The following IGSF5 variants were observed in gnomAD, a reference collection of about 807,000 sequenced individuals.
IGSF5 encodes the protein immunoglobulin superfamily member 5, also known as immunoglobulin superfamily 5 like.
Under a neutral mutation model 39.4 loss-of-function variants are expected in IGSF5, and 41 were observed. That is an observed-to-expected ratio of 1.04 (90% confidence interval 0.81 to 1.35). The LOEUF (loss-of-function observed/expected upper bound fraction) is 1.35, where lower values mean the gene tolerates loss of function less well. IGSF5 is among the 40% of genes most tolerant of loss of function. IGSF5 has a pLI of 0.00. For synonymous variants in IGSF5, 183 were observed against 175.3 expected, an observed-to-expected ratio of 1.04 and a Z score of -0.34; for missense variants, 487 against 494.6, an observed-to-expected ratio of 0.98 and a Z score of 0.15.
At chr21:39,774,929 A>G (rs774771413) in intron 4 of IGSF5, among the ~76,000 whole-genome samples, 1 of 152,148 alleles carries the variant, frequency 6.6e-6, no homozygotes, top group Non-Finnish European at 1.5e-5. Context: ...CAGTTTTCTC[A>G]CCTGTAAAGT....
In IGSF5 at chr21:39,779,302, A is replaced by C. The variant is rs1161401574; in HGVS notation, c.931A>C (p.Arg311=). 2 of 1,611,718 alleles carry C rather than the reference A, an allele frequency of 1.2e-6. No homozygotes were observed. The highest frequency in any genetic ancestry group is 8.5e-7 in the Non-Finnish European group (1 of 1,178,434). The part of the protein sequence containing the change: ...CRCCFCCRRK[R]GFRIQFQKKS... The stretch of plus-strand genomic sequence containing the variant: ...TTGTTGTTTCTGCTGTAGAAGAAAA[A>C]GAGGTAATTTTTTTGTTCATTTACA... Residue 311 remains arginine (R), a synonymous_variant, in exon 5 of 9, where the codon AGA becomes CGA. Coordinates refer to ENST00000380588, the MANE Select transcript of IGSF5 (RefSeq NM_001080444.2).
At chr21:39,724,711 A>T in the IGSF5 span, among the ~76,000 whole-genome samples, 1 of 152,206 alleles carries the variant, frequency 6.6e-6, no homozygotes, top group African/African-American at 2.4e-5. Flanking sequence ...ATGAACATGG[A>T]CTAATACACT....
At chr21:39,720,360 G>A in the IGSF5 span, among the ~76,000 whole-genome samples, 1 of 152,302 alleles carries the variant, frequency 6.6e-6, no homozygotes, top group East Asian at 1.9e-4. Flanking sequence ...CTCACCTCCT[G>A]CTGTGAAGAG....
chr21:39,777,269 GT>G (rs1344339431), intron 4 of IGSF5, among the ~76,000 whole-genome samples: 1 of 152,154 alleles, frequency 6.6e-6, no homozygotes, highest in Non-Finnish European at 1.5e-5. Flanking sequence ...CTGTCATGTC[GT>G]GGGTAGCTTG....
intron 2 of IGSF5, among the ~76,000 whole-genome samples, chr21:39,748,246 G>C (rs1433619171): frequency 6.9e-6 from 1 of 144,576 alleles, no homozygotes; most frequent in Non-Finnish European, 1.5e-5. Context: ...CTTCCTTTTT[G>C]CTGTGTCTTC....
At chr21:39,739,642 G>A in the IGSF5 span, among the ~76,000 whole-genome samples, 15 of 152,220 alleles carry the variant, frequency 9.9e-5, no homozygotes, top group African/African-American at 3.1e-4. Context: ...GGAGGTTGGC[G>A]ATGACTGCTC....
chr21:39,727,097 C>CG, the IGSF5 span, among the ~76,000 whole-genome samples: 7 of 152,128 alleles, frequency 4.6e-5, no homozygotes, highest in African/African-American at 1.7e-4. Context: ...TCAGGACACA[C>CG]GGGTCTGGAA....
the IGSF5 span, among the ~76,000 whole-genome samples, chr21:39,716,515 C>T: frequency 0.48 from 73,626 of 151,830 alleles, 18,705 homozygotes; most frequent in African/African-American, 0.63. Context: ...TCCGCTCAAG[C>T]AGACCCCACT....
Position 39,771,113 on chromosome 21 carries a change from AC to A in IGSF5, c.620del (p.Pro207HisfsTer7). ...LQSAVSILALTPQSNGTLTCV... is the reference protein window; with the variant it reads ...LQSAVSILALXPQSNGTLTCV... Reference sequence around the variant, plus strand: ...AAGTGCAGTGAGCATCCTGGCTCTGACCCCACAGAGCAATGGGACTTTGACT... The same window carrying A: ...AAGTGCAGTGAGCATCCTGGCTCTGACCCACAGAGCAATGGGACTTTGACT... On this transcript the variant is annotated frameshift_variant, in exon 4 of 9. Coordinates refer to ENST00000380588, the MANE Select transcript of IGSF5 (RefSeq NM_001080444.2). LOFTEE classifies it high-confidence loss of function. 6.2e-7 allele frequency: 1 copy of A among 1,612,820 alleles called. No individual in the cohort carries two copies. The highest frequency in any genetic ancestry group is 1.1e-5 in the South Asian group (1 of 90,684).
At chr21:39,778,558 G>A (rs73217292) in intron 4 of IGSF5, among the ~76,000 whole-genome samples, 13,145 of 152,202 alleles carry the variant, frequency 0.086, 617 homozygotes, top group South Asian at 0.16. Flanking sequence ...ATTAATTTGA[G>A]GATCGGGGAG....
In IGSF5 at chr21:39,791,843, A is replaced by G. The variant is rs1320248555; in HGVS notation, c.957-165A>G. 1.7e-5 allele frequency: 10 copies of G among 582,680 alleles called. No individual in the cohort carries two copies. In the East Asian group the frequency reaches 2.2e-4, roughly 13 times the overall value. The allele number at this position is 582,680 out of a possible 1,614,324, so 36.1% of individuals were successfully genotyped here. ...GGAATGTGTGAGTAGGCAGGCGTGC[A>G]TACCTGCAACGCAGCGGCAAAGCTA... On this transcript the variant is annotated intron_variant, in intron 6 of 8. Transcript: ENST00000380588.
chr21:39,759,866 CAAA>C (rs1307376560), intron 2 of IGSF5, among the ~76,000 whole-genome samples: 4 of 61,486 alleles, frequency 6.5e-5, no homozygotes. Context: ...GACTCCGTCT[CAAA>C]AAAAAAAAAA....
chr21:39,786,783 A>G (rs1397525771), intron 5 of IGSF5, among the ~76,000 whole-genome samples: 3 of 152,256 alleles, frequency 2.0e-5, no homozygotes, highest in African/African-American at 7.2e-5. Context: ...CAGCCATAAA[A>G]AATGGTGAGT....
chr21:39,766,050 ACTT>A (rs561172506), intron 3 of IGSF5, among the ~76,000 whole-genome samples, 198 bp downstream of exon 3: 4 of 151,508 alleles, frequency 2.6e-5, no homozygotes, highest in African/African-American at 9.7e-5. Context: ...CTACCTCCTC[ACTT>A]CTTCTTCCCT....
chr21:39,790,525 G>T (rs561730972), intron 6 of IGSF5, among the ~76,000 whole-genome samples: 2 of 152,216 alleles, frequency 1.3e-5, no homozygotes, highest in East Asian at 3.9e-4. Flanking sequence ...GGGCATGTTG[G>T]TGCTTTCCTG....
intron 5 of IGSF5, 33 bp downstream of exon 5, chr21:39,779,338 C>T (rs1210882867): frequency 6.3e-7 from 1 of 1,596,710 alleles, no homozygotes; most frequent in Non-Finnish European, 8.6e-7. Flanking sequence ...TTTGTACATA[C>T]TTCTGAACTT....
chr21:39,733,611 G>A, the IGSF5 span, among the ~76,000 whole-genome samples: 2 of 152,206 alleles, frequency 1.3e-5, no homozygotes, highest in South Asian at 2.1e-4. Flanking sequence ...GGCTGCCTGG[G>A]AAGAGCTCCA....
At chr21:39,737,944 A>C in the IGSF5 span, among the ~76,000 whole-genome samples, 1 of 152,200 alleles carries the variant, frequency 6.6e-6, no homozygotes, top group African/African-American at 2.4e-5. Flanking sequence ...GAGTGGGAGT[A>C]GGTCAGAGAG....
chr21:39,749,997 T>C (rs2146270694), intron 2 of IGSF5, among the ~76,000 whole-genome samples: 1 of 152,308 alleles, frequency 6.6e-6, no homozygotes, highest in South Asian at 2.1e-4. Flanking sequence ...GTTTTTAAGG[T>C]AAAGATCTTG....
Sources: gnomAD v4.1 joint callset for allele counts (sites outside exome capture counted in the v4.1 genomes callset) on GRCh38, gnomAD v4.1.1 for gene constraint, MANE v1.5 for transcripts, NCBI Gene and HGNC (gene_info 2026-07-23, HGNC 2026-07-21) for gene names.